The following NIPAL2 variants were observed in gnomAD, a reference collection of about 807,000 sequenced individuals.
NIPAL2 encodes NIPA like domain containing 2, also known as NIPA-like protein 2.
A neutral mutation model predicts 48.9 loss-of-function variants in NIPAL2; 43 were observed. The ratio of observed to expected loss-of-function variants is 0.88; its 90% confidence interval spans 0.69 to 1.13. The LOEUF (loss-of-function observed/expected upper bound fraction) is 1.13. NIPAL2 is among the 50% of genes most tolerant of loss of function. The pLI is 0.00. For synonymous variants in NIPAL2, 167 were observed against 174.6 expected (o/e 0.96, Z 0.34); for missense variants, 446 against 461.4 (o/e 0.97, Z 0.31).
chr8:98,272,439 C>T (rs1175990691), intron 1 of NIPAL2, among the ~76,000 whole-genome samples: 1 of 152,076 alleles, frequency 6.6e-6, no homozygotes, highest in Non-Finnish European at 1.5e-5. Context: ...TTATTGAATA[C>T]CAGTTAACTT....
At chr8:98,284,041 C>A (rs1204840501) in intron 1 of NIPAL2, among the ~76,000 whole-genome samples, 1 of 152,194 alleles carries the variant, frequency 6.6e-6, no homozygotes, top group Non-Finnish European at 1.5e-5. Context: ...CCAATCCTCA[C>A]AGCCAGGCTA....
chr8:98,290,618 A>G (rs1248472953), intron 1 of NIPAL2, among the ~76,000 whole-genome samples: 2 of 152,248 alleles, frequency 1.3e-5, no homozygotes, highest in Non-Finnish European at 2.9e-5. Flanking sequence ...GACTTGTCCA[A>G]GTATGCTAGT....
At chr8:98,238,476 A>G (rs1451266508) in intron 3 of NIPAL2, among the ~76,000 whole-genome samples, 1 of 152,228 alleles carries the variant, frequency 6.6e-6, no homozygotes, top group African/African-American at 2.4e-5. Context: ...ATGTTGGTAT[A>G]ATAATCCATT....
At position 98,273,647 on chromosome 8, in the gene NIPAL2, C is replaced by T. The variant is rs528825758; in HGVS notation, c.136-19560G>A. On this transcript the variant is annotated intron_variant, in intron 1 of 10. Transcript: ENST00000430223. ...CTATTGCTATTTCAGTCTCTTCTCCCTCTCAGAGATACGTAATTTTCTGAG... is the reference window on the plus strand; with the variant it reads ...CTATTGCTATTTCAGTCTCTTCTCCTTCTCAGAGATACGTAATTTTCTGAG... 9.2e-5 allele frequency among the ~76,000 whole-genome samples: 14 copies of T among 152,198 alleles called. No homozygotes were observed. The East Asian group carries it at 2.5e-3, about 27-fold the overall frequency.
chr8:98,253,988 A>G, intron 2 of NIPAL2, 31 bp downstream of exon 2: 1 of 1,481,836 alleles, frequency 6.7e-7, no homozygotes, highest in Non-Finnish European at 9.4e-7. Context: ...GGATCAATCT[A>G]TAGTGTTAGA....
intron 1 of NIPAL2, among the ~76,000 whole-genome samples, chr8:98,280,304 C>T (rs1417728331): frequency 6.6e-6 from 1 of 152,200 alleles, no homozygotes; most frequent in Non-Finnish European, 1.5e-5. Context: ...GTTTTGAACA[C>T]AGTAATGGTT....
chr8:98,228,271 C>A (rs1169150402), intron 4 of NIPAL2, among the ~76,000 whole-genome samples: 1 of 152,040 alleles, frequency 6.6e-6, no homozygotes, highest in African/African-American at 2.4e-5. Context: ...GCTGTTCCTG[C>A]AGGGAGGACG....
At chr8:98,232,146 T>A (rs1468785337) in intron 4 of NIPAL2, among the ~76,000 whole-genome samples, 2 of 152,132 alleles carry the variant, frequency 1.3e-5, no homozygotes, top group Non-Finnish European at 2.9e-5. Context: ...TCCGTAAATA[T>A]GAAGTGGGTT....
intron 1 of NIPAL2, among the ~76,000 whole-genome samples, chr8:98,267,537 C>G (rs1203294274): frequency 2.0e-5 from 3 of 152,050 alleles, no homozygotes; most frequent in Non-Finnish European, 4.4e-5. Context: ...CCAGGCTGGT[C>G]TCAAACACCT....
intron 3 of NIPAL2, among the ~76,000 whole-genome samples, chr8:98,236,549 G>A (rs1446481289): frequency 1.3e-5 from 2 of 152,098 alleles, no homozygotes; most frequent in Middle Eastern, 3.2e-3. Context: ...TAGAAAGACA[G>A]GAAGAGATAG....
chr8:98,208,739 A>G (rs1811162639), intron 6 of NIPAL2, among the ~76,000 whole-genome samples: 1 of 152,126 alleles, frequency 6.6e-6, no homozygotes, highest in South Asian at 2.1e-4. Flanking sequence ...GTGAGCCATC[A>G]CACCAGGCCT....
chr8:98,291,055 T>G (rs1816462979), intron 1 of NIPAL2, among the ~76,000 whole-genome samples: 1 of 152,228 alleles, frequency 6.6e-6, no homozygotes, highest in Non-Finnish European at 1.5e-5. Flanking sequence ...CCTGCTAGCC[T>G]TAATTTAAAT....
At chr8:98,203,971 T>C (rs1455184669) in intron 7 of NIPAL2, among the ~76,000 whole-genome samples, 16 of 152,072 alleles carry the variant, frequency 1.1e-4, no homozygotes, top group Admixed American at 1.0e-3. Context: ...TATACATGCA[T>C]GTACATATGT....
At chr8:98,286,656 A>G (rs1423718962) in intron 1 of NIPAL2, among the ~76,000 whole-genome samples, 1 of 151,854 alleles carries the variant, frequency 6.6e-6, no homozygotes, top group East Asian at 1.9e-4. Flanking sequence ...TAAAAATACA[A>G]AAATTATCTG....
intron 1 of NIPAL2, among the ~76,000 whole-genome samples, chr8:98,254,844 C>T (rs1845818484): frequency 6.6e-6 from 1 of 152,230 alleles, no homozygotes; most frequent in African/African-American, 2.4e-5. Context: ...CCACTGCTCT[C>T]CTAGGTCATG....
At chr8:98,278,038 CTT>C (rs1429500453) in intron 1 of NIPAL2, among the ~76,000 whole-genome samples, 1 of 152,174 alleles carries the variant, frequency 6.6e-6, no homozygotes, top group African/African-American at 2.4e-5. Context: ...ATATCTTCAT[CTT>C]TCCTCTTGAG....
intron 4 of NIPAL2, among the ~76,000 whole-genome samples, chr8:98,226,435 T>C (rs1812175742): frequency 6.6e-6 from 1 of 152,160 alleles, no homozygotes; most frequent in Non-Finnish European, 1.5e-5. Flanking sequence ...CATATCTACA[T>C]GAGGGGGCAT....
chr8:98,281,325 T>A (rs1364135996), intron 1 of NIPAL2, among the ~76,000 whole-genome samples: 1 of 151,238 alleles, frequency 6.6e-6, no homozygotes, highest in East Asian at 1.9e-4. Context: ...AGTAGAAGGA[T>A]GTTACCAGAT....
At chr8:98,218,020 C>G (rs1811660162) in intron 5 of NIPAL2, among the ~76,000 whole-genome samples, 2 of 152,108 alleles carry the variant, frequency 1.3e-5, no homozygotes, top group Non-Finnish European at 2.9e-5. Flanking sequence ...AATCTCAGTA[C>G]TTTTTGTGGA....
Sources: gnomAD v4.1 joint callset for allele counts (sites outside exome capture counted in the v4.1 genomes callset) on GRCh38, gnomAD v4.1.1 for gene constraint, MANE v1.5 for transcripts, NCBI Gene and HGNC (gene_info 2026-07-23, HGNC 2026-07-21) for gene names.